Variants in HDAC9 observed in about 807,000 individuals in gnomAD.
HDAC9 encodes histone deacetylase 9.
In HDAC9, 41 loss-of-function variants were observed where a neutral mutation model predicts 139.4. That is an observed-to-expected ratio of 0.29 (90% CI 0.23 to 0.38). The LOEUF is 0.38. HDAC9 is among the 10% of genes least tolerant of loss of function. The pLI, the probability that HDAC9 is intolerant of heterozygous loss-of-function variation, is 1.00. For missense variants in HDAC9, 1,147 were observed against 1,297.0 expected (o/e 0.88, Z 1.78); for synonymous variants, 517 against 476.2 (o/e 1.09, Z -1.12).
chr7:18,348,155 A>G lies in HDAC9; in HGVS notation c.-42+57640A>G, dbSNP rs756329444. Among the ~76,000 whole-genome samples, 70 of 152,330 alleles carry G rather than the reference A, an allele frequency of 4.6e-4. 1 individual carries two copies. The highest frequency in any genetic ancestry group is 3.7e-3 in the Admixed American group (56 of 15,298). ...AATATTTTGGGTCCTGCAGTTGGAC[A>G]TGAAAAGCACAAGCACCCCAGGTAA... On this transcript the variant is annotated intron_variant, in intron 1 of 3. Coordinates refer to the HDAC9 transcript ENST00000413509.
intron 2 of HDAC9, among the ~76,000 whole-genome samples, chr7:18,223,412 G>A (rs545072842): frequency 7.2e-6 from 1 of 138,376 alleles, no homozygotes; most frequent in African/African-American, 2.7e-5. Flanking sequence ...TTTTTTGGAT[G>A]CCAAGGCACT....
intron 22 of HDAC9, chr7:18,899,166 T>C (rs1305942734): frequency 1.3e-5 from 2 of 152,032 alleles, no homozygotes; most frequent in Non-Finnish European, 2.9e-5. Context: ...ACATAACTTT[T>C]GGATGACAGC....
chr7:18,236,133 G>A (rs1793798055), intron 2 of HDAC9, among the ~76,000 whole-genome samples: 1 of 152,192 alleles, frequency 6.6e-6, no homozygotes, highest in Admixed American at 6.5e-5. Flanking sequence ...AGGAGCTAAT[G>A]TCACCTGGAA....
At chr7:18,963,515 A>G (rs1049816835) in intron 24 of HDAC9, among the ~76,000 whole-genome samples, 7 of 152,228 alleles carry the variant, frequency 4.6e-5, no homozygotes, top group Non-Finnish European at 1.0e-4. Context: ...GTTGGCAGAA[A>G]TGAGATATAT....
intron 13 of HDAC9, among the ~76,000 whole-genome samples, chr7:18,740,831 G>T (rs1303414124): frequency 6.6e-6 from 1 of 152,222 alleles, no homozygotes; most frequent in East Asian, 1.9e-4. Context: ...TGTTACTGTA[G>T]TGAACAGACA....
At chr7:18,719,851 C>G (rs1397753879) in intron 12 of HDAC9, among the ~76,000 whole-genome samples, 1 of 151,908 alleles carries the variant, frequency 6.6e-6, no homozygotes, top group Non-Finnish European at 1.5e-5. Context: ...TGCAGTTGTC[C>G]CTGTTCTATT....
chr7:18,115,361 C>T (rs1783909354), intron 1 of HDAC9, among the ~76,000 whole-genome samples: 1 of 151,440 alleles, frequency 6.6e-6, no homozygotes, highest in South Asian at 2.1e-4. Context: ...TATAATACTT[C>T]TGATCTTCTA....
At chr7:18,470,808 C>T (rs1794667302) in intron 1 of HDAC9, among the ~76,000 whole-genome samples, 1 of 152,124 alleles carries the variant, frequency 6.6e-6, no homozygotes, top group Admixed American at 6.6e-5. Flanking sequence ...GTTCTTACAC[C>T]TTCCTGAATT....
chr7:18,204,332 CTTTTT>C (rs35479287), intron 2 of HDAC9, among the ~76,000 whole-genome samples: 1 of 116,016 alleles, frequency 8.6e-6, no homozygotes, highest in Admixed American at 8.6e-5. Context: ...TTGAATCTGC[CTTTTT>C]TTTTTTTTTT....
chr7:18,584,025 A>G (rs538391920), intron 2 of HDAC9, among the ~76,000 whole-genome samples: 4 of 152,090 alleles, frequency 2.6e-5, no homozygotes, highest in Non-Finnish European at 4.4e-5. Context: ...CCAGTTTGGC[A>G]TGGATGCTGG....
chr7:18,699,035 T>C (rs1036673832), intron 12 of HDAC9, among the ~76,000 whole-genome samples: 6 of 152,174 alleles, frequency 3.9e-5, no homozygotes, highest in African/African-American at 1.4e-4. Flanking sequence ...ACTCTGTTCC[T>C]CTTCAGCACC....
chr7:18,293,162 G>A (rs1797922222), intron 1 of HDAC9, among the ~76,000 whole-genome samples: 1 of 152,010 alleles, frequency 6.6e-6, no homozygotes, highest in Non-Finnish European at 1.5e-5. Flanking sequence ...GACAGAATCA[G>A]CCAAGCTTTA....
intron 12 of HDAC9, among the ~76,000 whole-genome samples, chr7:18,675,967 A>G (rs1404399703): frequency 6.6e-6 from 1 of 151,874 alleles, no homozygotes; most frequent in East Asian, 1.9e-4. Context: ...TTTTAAAACA[A>G]CTCTAGGTGT....
At chr7:18,591,475 ATGTGTGTGTGTGTG>A (rs36100341) in intron 4 of HDAC9, 27 bp from the exon 5 acceptor site, 12 of 1,472,946 alleles carry the variant, frequency 8.1e-6, no homozygotes, top group Non-Finnish European at 1.1e-5. Context: ...CTGTGTGTGT[ATGTGTGTGTGTGTG>A]TGTGTGTGTG....
rs748240749 is a variant in HDAC9, at chr7:18,451,447, GTA to G, written c.-41-44811_-41-44810del. Among the ~76,000 whole-genome samples the G allele has an allele frequency of 9.6e-4, 144 of 149,496 alleles. 3 individuals are homozygous for G. In the East Asian group the frequency reaches 0.02, roughly 21 times the overall value. ...TATATATATGTGTGTGTGTGTGTGTGTATATGTATATATATATGCATACATAT... is the reference window on the plus strand; with the variant it reads ...TATATATATGTGTGTGTGTGTGTGTGTATGTATATATATATGCATACATAT... On this transcript the variant is annotated intron_variant, in intron 1 of 3. Transcript: ENST00000413509.
intron 2 of HDAC9, among the ~76,000 whole-genome samples, chr7:18,189,655 T>G (rs1435217485): frequency 6.6e-6 from 1 of 152,062 alleles, no homozygotes; most frequent in Admixed American, 6.6e-5. Context: ...GTGATTATCC[T>G]AGGTCTCTTG....
intron 1 of HDAC9, among the ~76,000 whole-genome samples, chr7:18,092,161 G>A (rs1035476275): frequency 6.6e-6 from 1 of 152,098 alleles, no homozygotes; most frequent in African/African-American, 2.4e-5. Context: ...CAAGGCAGAT[G>A]AACTGCTTGA....
At chr7:18,767,074 A>G (rs1166408707) in intron 15 of HDAC9, 32 bp from the exon 16 acceptor site, 1 of 1,070,162 alleles carries the variant, frequency 9.3e-7, no homozygotes, top group Non-Finnish European at 1.3e-6. Context: ...ACCTCCATTT[A>G]TCTATATTTT....
intron 2 of HDAC9, among the ~76,000 whole-genome samples, chr7:18,191,674 C>G (rs1230108328): frequency 2.6e-5 from 4 of 152,164 alleles, no homozygotes; most frequent in African/African-American, 9.7e-5. Flanking sequence ...ACACAGAATT[C>G]TTTGATTACA....
Sources: gnomAD v4.1 joint callset for allele counts (sites outside exome capture counted in the v4.1 genomes callset) on GRCh38, gnomAD v4.1.1 for gene constraint, MANE v1.5 for transcripts, NCBI Gene and HGNC (gene_info 2026-07-23, HGNC 2026-07-21) for gene names.